The following FIBCD1 variants were observed in gnomAD, a reference collection of about 807,000 sequenced individuals.
The protein encoded by FIBCD1 is fibrinogen C domain containing 1.
In FIBCD1, 47 loss-of-function variants were observed where a neutral mutation model predicts 45.1. The observed-to-expected ratio is 1.04, with a 90% CI of 0.82 to 1.33. FIBCD1 has a LOEUF of 1.33. FIBCD1 is among the 40% of genes most tolerant of loss of function. The pLI, the probability that FIBCD1 is intolerant of heterozygous loss-of-function variation, is 0.00. For missense variants in FIBCD1, 653 were observed against 682.2 expected (o/e 0.96, Z 0.48); for synonymous variants, 313 against 308.1 (o/e 1.02, Z -0.17).
intron 4 of FIBCD1, among the ~76,000 whole-genome samples, chr9:130,921,660 C>T (rs1204865623): frequency 1.3e-5 from 2 of 152,340 alleles, no homozygotes; most frequent in South Asian, 2.1e-4. Context: ...ACGCATGGCC[C>T]GCTCCGGCGT....
In FIBCD1 at chr9:130,903,530, G is replaced by A. The variant is rs946537924; in HGVS notation, c.*534C>T. The A allele has an allele frequency of 5.1e-6, 1 of 194,632 alleles. No homozygotes were observed. Among genetic ancestry groups the A allele is most frequent in the South Asian group, 1.1e-4 (1 of 8,730 alleles). 12.1% of individuals were successfully genotyped at this position (194,632 alleles called of 1,614,324 possible). On this transcript the variant is annotated 3_prime_UTR_variant, in exon 7 of 7. Coordinates refer to ENST00000372338, the MANE Select transcript of FIBCD1 (RefSeq NM_032843.5). Reference sequence around the variant, plus strand: ...AGCCCACAGCCAGGCTGAGGCCCTTGGGGGAGAGGTGGGTTCTCTGGGCAC... The same window carrying A: ...AGCCCACAGCCAGGCTGAGGCCCTTAGGGGAGAGGTGGGTTCTCTGGGCAC...
intron 2 of FIBCD1, among the ~76,000 whole-genome samples, chr9:130,928,015 G>A (rs1832386608): frequency 6.6e-6 from 1 of 152,194 alleles, no homozygotes; most frequent in Non-Finnish European, 1.5e-5. Flanking sequence ...CTGCCTGTAG[G>A]CACAGCTTTG....
chr9:130,925,284 G>A (rs561469260), intron 2 of FIBCD1, among the ~76,000 whole-genome samples: 2 of 152,208 alleles, frequency 1.3e-5, no homozygotes, highest in South Asian at 4.1e-4. Flanking sequence ...ATCCCTGAGA[G>A]CGAAGGATGG....
chr9:130,910,156 C>A (rs1026095693), intron 5 of FIBCD1, among the ~76,000 whole-genome samples: 1 of 152,192 alleles, frequency 6.6e-6, no homozygotes, highest in Non-Finnish European at 1.5e-5. Context: ...CTGCGTGCGG[C>A]GCTTGCGGGC....
chr9:130,910,647 C>G (rs1445175400), intron 5 of FIBCD1, among the ~76,000 whole-genome samples: 3 of 152,200 alleles, frequency 2.0e-5, no homozygotes, highest in Non-Finnish European at 2.9e-5. Flanking sequence ...ATACACCAAT[C>G]GGCACTCTGT....
upstream of FIBCD1, among the ~76,000 whole-genome samples, chr9:130,939,696 G>A (rs1378342641): frequency 2.0e-5 from 3 of 151,734 alleles, no homozygotes; most frequent in Non-Finnish European, 2.9e-5. Flanking sequence ...CGCGCCCCGC[G>A]TGGTCCCAGC....
At chr9:130,918,918 C>A (rs529700316) in intron 4 of FIBCD1, among the ~76,000 whole-genome samples, 1 of 152,200 alleles carries the variant, frequency 6.6e-6, no homozygotes, top group Non-Finnish European at 1.5e-5. Context: ...CGTAAACGGA[C>A]GGCGCACAGT....
At chr9:130,904,956 G>A (rs1440056548) in intron 6 of FIBCD1, among the ~76,000 whole-genome samples, 1 of 152,194 alleles carries the variant, frequency 6.6e-6, no homozygotes, top group Non-Finnish European at 1.5e-5. Context: ...CAAGGACTGA[G>A]GGATCCTTGG....
rs34679672 is a variant in FIBCD1 at position 130,909,760 on chromosome 9, T to TAAA, written c.946+2029_946+2031dup. ...ATATTTTGTTTAGATAGTGAAATGT[T>TAAA]AAAAAAAAAAAAGAAATGTTAAGGA... is the stretch of plus-strand genomic sequence containing the variant. On this transcript the variant is annotated intron_variant, in intron 5 of 6. Transcript: ENST00000372338. 1.2e-3 allele frequency among the ~76,000 whole-genome samples: 177 copies of TAAA among 147,258 alleles called. 1 individual carries two copies. Among genetic ancestry groups the TAAA allele is most frequent in the East Asian group, 2.4e-3 (12 of 5,106 alleles).
rs562316822 is a variant in FIBCD1 at position 130,904,322 on chromosome 9, G to A, written c.1128C>T (p.Gly376=). ...TGCCGCTGTGCTTCAGGAGGGAGTC[G>A]CCTGCGCAGGGGTGCACACAGGTGT... ...LTVADYSGTA[G]DSLLKHSGMR... The change falls in exon 7 of 7, where the codon GGC becomes GGT. Residue 376 remains glycine (G), a splice_region_variant and synonymous_variant. Transcript: ENST00000372338. 2.2e-5 allele frequency: 35 copies of A among 1,604,572 alleles called. No homozygotes were observed. Among genetic ancestry groups the A allele is most frequent in the Non-Finnish European group, 2.6e-5 (30 of 1,174,246 alleles).
intron 2 of FIBCD1, among the ~76,000 whole-genome samples, chr9:130,927,895 A>C (rs1201152454): frequency 6.6e-6 from 1 of 152,204 alleles, no homozygotes; most frequent in Non-Finnish European, 1.5e-5. Context: ...TCCTGACCTC[A>C]AGTGATCTGC....
intron 4 of FIBCD1, among the ~76,000 whole-genome samples, chr9:130,913,627 G>C (rs13295626): frequency 6.6e-6 from 1 of 152,074 alleles, no homozygotes; most frequent in Non-Finnish European, 1.5e-5. Flanking sequence ...TGACCGGCTC[G>C]GGGTGGAAGG....
rs373326808 is a variant in FIBCD1, at chr9:130,905,227, G to A, written c.1126+7C>T. ...CTTCCCCATCCCTGCCACAGCTGGAGCCTCACCTGCAGTGCCGGAATAGTC... is the reference window on the plus strand; with the variant it reads ...CTTCCCCATCCCTGCCACAGCTGGAACCTCACCTGCAGTGCCGGAATAGTC... On this transcript the variant is annotated splice_region_variant and intron_variant, in intron 6 of 6. Transcript: ENST00000372338. The A allele has an allele frequency of 1.2e-6, 2 of 1,609,352 alleles. No individual in the cohort carries two copies. Among genetic ancestry groups the A allele is most frequent in the Non-Finnish European group, 1.7e-6 (2 of 1,176,982 alleles).
intron 1 of FIBCD1, among the ~76,000 whole-genome samples, chr9:130,936,682 C>T (rs905203433): frequency 3.2e-4 from 49 of 152,224 alleles, no homozygotes; most frequent in Admixed American, 2.9e-3. Flanking sequence ...TCTTCCTGGC[C>T]GAAGCGTCAT....
In FIBCD1 at chr9:130,938,527, C is replaced by G. The variant is rs570940661; in HGVS notation, c.72+9G>C. Reference sequence around the variant, plus strand: ...CGCCCAGGCCCCGTGTCCCAGCGCCCGAGCGTACCTGCGGCTTGTCGCGCG... The same window carrying G: ...CGCCCAGGCCCCGTGTCCCAGCGCCGGAGCGTACCTGCGGCTTGTCGCGCG... On this transcript the variant is annotated intron_variant, in intron 1 of 6. Transcript: ENST00000372338. 4 of 1,487,292 alleles carry G rather than the reference C, an allele frequency of 2.7e-6. No individual in the cohort carries two copies. In the African/African-American group the frequency reaches 4.4e-5, roughly 16 times the overall value. The allele number at this position is 1,487,292 out of a possible 1,614,324, so 92.1% of individuals were successfully genotyped here. A position where few individuals can be genotyped will look rare whatever the true frequency, so the allele number is the denominator to read the frequency against.
chr9:130,913,219 C>A (rs1487220287), intron 4 of FIBCD1, among the ~76,000 whole-genome samples: 1 of 150,980 alleles, frequency 6.6e-6, no homozygotes. Context: ...GCCGGCCTCC[C>A]CAGCCCTCCC....
In FIBCD1 at chr9:130,903,515, C is replaced by G. The variant is rs1831871115; in HGVS notation, c.*549G>C. The G allele has an allele frequency of 1.1e-5, 2 of 190,228 alleles. No homozygotes were observed. Among genetic ancestry groups the G allele is most frequent in the South Asian group, 2.5e-4 (2 of 8,076 alleles). The allele number at this position is 190,228 out of a possible 1,614,324, so 11.8% of individuals were successfully genotyped here. On this transcript the variant is annotated 3_prime_UTR_variant, in exon 7 of 7. Transcript: ENST00000372338. ...AGGATGGGGCCACCCAGCCCACAGC[C>G]AGGCTGAGGCCCTTGGGGGAGAGGT...
chr9:130,916,729 G>A (rs1290407841), intron 4 of FIBCD1, among the ~76,000 whole-genome samples: 1 of 152,262 alleles, frequency 6.6e-6, no homozygotes, highest in Non-Finnish European at 1.5e-5. Context: ...GAGGGAGGAA[G>A]TAAGGAAAGG....
intron 5 of FIBCD1, among the ~76,000 whole-genome samples, chr9:130,911,366 C>T (rs1361259631): frequency 6.6e-5 from 10 of 152,206 alleles, no homozygotes; most frequent in African/African-American, 1.9e-4. Context: ...CACTCAGCAC[C>T]ACTGGCCACT....
Sources: gnomAD v4.1 joint callset for allele counts (sites outside exome capture counted in the v4.1 genomes callset) on GRCh38, gnomAD v4.1.1 for gene constraint, MANE v1.5 for transcripts, NCBI Gene and HGNC (gene_info 2026-07-23, HGNC 2026-07-21) for gene names.